ARAP2: variants seen among roughly 807,000 people sequenced by gnomAD.
The protein encoded by ARAP2 is ArfGAP with RhoGAP domain, ankyrin repeat and PH domain 2, also known as arf-GAP with Rho-GAP domain, ANK repeat and PH domain-containing protein 2.
Under a neutral mutation model 194.5 loss-of-function variants are expected in ARAP2, and 148 were observed. The ratio of observed to expected loss-of-function variants is 0.76; its 90% confidence interval spans 0.67 to 0.87. ARAP2 has a LOEUF of 0.87. Ranked by LOEUF, ARAP2 falls within the 40% of genes least tolerant of loss-of-function variation. The pLI is 0.00. For synonymous variants in ARAP2, 695 were observed against 683.5 expected, an observed-to-expected ratio of 1.02 and a Z score of -0.26; for missense variants, 2,128 against 1,989.7, an observed-to-expected ratio of 1.07 and a Z score of -1.32.
At chr4:36,043,806 A>AAGGGC in intron 5 of ARAP2, among the ~76,000 whole-genome samples, 1 of 55,682 alleles carries the variant, frequency 1.8e-5, no homozygotes, top group Non-Finnish European at 4.0e-5. Flanking sequence ...AAGGGAAGGG[A>AAGGGC]AGGGAAGGGA....
At chr4:36,108,358 C>A (rs1718975791) in intron 26 of ARAP2, among the ~76,000 whole-genome samples, 2 of 151,914 alleles carry the variant, frequency 1.3e-5, no homozygotes, top group South Asian at 4.1e-4. Flanking sequence ...CCAACAAGAT[C>A]AAACTCATAA....
Position 36,133,369 on chromosome 4 carries a change from T to A in ARAP2, c.3284A>T (p.His1095Leu), listed in dbSNP as rs1481468569. Residue 1095 changes from histidine (H) to leucine (L), a missense_variant, in exon 20 of 33, where the codon CAT (histidine) becomes CTT (leucine). Transcript: ENST00000303965. ...CCAGACTGTGAAATCCAACTTGGTA[T>A]GCCCATGGATGTATAATGTTCTGTA... ...EKGRTLYIHG[H>L]TKLDFTVWHT... The A allele has an allele frequency of 1.1e-5, 17 of 1,610,712 alleles. No homozygotes were observed. The highest frequency in any genetic ancestry group is 5.0e-5 in the Admixed American group (3 of 59,674).
chr4:36,124,777 T>C (rs1263261182), intron 22 of ARAP2, 85 bp downstream of exon 22: 1 of 831,584 alleles, frequency 1.2e-6, no homozygotes, highest in Non-Finnish European at 1.9e-6. Flanking sequence ...TTATGATACG[T>C]AGAAAGATTC....
At chr4:36,121,063 T>C in intron 23 of ARAP2, 116 bp downstream of exon 23, 1 of 721,256 alleles carries the variant, frequency 1.4e-6, no homozygotes, top group Admixed American at 4.0e-5. Flanking sequence ...TTCCTTATTT[T>C]ATGTATTTCT....
chr4:36,196,458 TGA>T (rs1743135013), intron 6 of ARAP2, among the ~76,000 whole-genome samples: 1 of 152,238 alleles, frequency 6.6e-6, no homozygotes, highest in Non-Finnish European at 1.5e-5. Flanking sequence ...TCTCAGCCTC[TGA>T]GAGAATCAGC....
chr4:36,122,574 T>G (rs1257042828), intron 22 of ARAP2, among the ~76,000 whole-genome samples: 3 of 151,564 alleles, frequency 2.0e-5, no homozygotes, highest in Non-Finnish European at 4.4e-5. Flanking sequence ...TGAGAATACA[T>G]AGCAAACAAC....
At chr4:36,091,363 C>T (rs188755998) in intron 28 of ARAP2, among the ~76,000 whole-genome samples, 11 of 152,108 alleles carry the variant, frequency 7.2e-5, no homozygotes, top group Admixed American at 7.2e-4. Flanking sequence ...TTATCCACTC[C>T]ACAATTATTT....
chr4:36,135,260 A>G (rs367657844), intron 19 of ARAP2, among the ~76,000 whole-genome samples: 1 of 151,776 alleles, frequency 6.6e-6, no homozygotes, highest in Non-Finnish European at 1.5e-5. Context: ...GTGGGTAATA[A>G]GGAATGTAAT....
chr4:36,117,057 T>G lies in ARAP2; in HGVS notation c.4038+4A>C, dbSNP rs771913494. 1 of 1,579,650 alleles carries G rather than the reference T, an allele frequency of 6.3e-7. No individual in the cohort carries two copies. Among genetic ancestry groups the G allele is most frequent in the Non-Finnish European group, 8.6e-7 (1 of 1,164,166 alleles). On this transcript the variant is annotated splice_donor_region_variant and intron_variant, in intron 25 of 32. Transcript: ENST00000303965. ...TCCTCTTTACATCCACCTTTAGAAC[T>G]TACCCGAATTATAATACTACAGTCG...
chr4:36,065,201 ATCTTCAGAGTGAGCCTGC>A, downstream of ARAP2: 1 of 359,764 alleles, frequency 2.8e-6, no homozygotes, highest in Admixed American at 3.0e-5. Context: ...CACAAACTTG[ATCTTCAGAGTGAGCCTGC>A]TCTTGCAGGT....
chr4:36,181,545 T>C (rs1262099906), intron 8 of ARAP2, among the ~76,000 whole-genome samples: 2 of 152,224 alleles, frequency 1.3e-5, no homozygotes, highest in African/African-American at 4.8e-5. Flanking sequence ...AACAACATTA[T>C]CTAATAAAGT....
intron 10 of ARAP2, 119 bp from the exon 11 acceptor site, chr4:36,165,232 C>T (rs1578139253): frequency 1.1e-6 from 1 of 901,022 alleles, no homozygotes; most frequent in South Asian, 1.7e-5. Flanking sequence ...AATATGGCTG[C>T]TAGGCAGTTC....
chr4:36,152,880 GA>G (rs1488057737), intron 15 of ARAP2, among the ~76,000 whole-genome samples: 1 of 152,184 alleles, frequency 6.6e-6, no homozygotes, highest in African/African-American at 2.4e-5. Context: ...TGGGAAATGG[GA>G]AACAAGATTG....
chr4:36,128,824 G>A (rs1173777903), intron 20 of ARAP2, 79 bp from the exon 21 acceptor site: 10 of 1,155,308 alleles, frequency 8.7e-6, no homozygotes, highest in Non-Finnish European at 1.1e-5. Context: ...CAAAACAAAT[G>A]TTTGTGTTGA....
intron 6 of ARAP2, among the ~76,000 whole-genome samples, chr4:36,204,639 C>T (rs1418034485): frequency 6.6e-6 from 1 of 152,096 alleles, no homozygotes; most frequent in Non-Finnish European, 1.5e-5. Context: ...ATTTTGGTTA[C>T]TTCAGAGATT....
intron 27 of ARAP2, among the ~76,000 whole-genome samples, chr4:36,093,811 A>G (rs1314232303): frequency 6.6e-6 from 1 of 152,096 alleles, no homozygotes; most frequent in Non-Finnish European, 1.5e-5. Context: ...CTGTTTCCGT[A>G]TTCATGTCTG....
intron 5 of ARAP2, among the ~76,000 whole-genome samples, chr4:36,020,434 A>T (rs1299418533): frequency 6.6e-6 from 1 of 152,068 alleles, no homozygotes; most frequent in Non-Finnish European, 1.5e-5. Flanking sequence ...AAAAAAGTAA[A>T]TCAAGCTGAT....
In ARAP2 at chr4:36,166,939, T is replaced by C. The variant is rs779612431; in HGVS notation, c.1966A>G (p.Ser656Gly). Residue 656 changes from serine (S) to glycine (G), a missense_variant, in exon 10 of 33, where the codon AGT (serine) becomes GGT (glycine). Physicochemically the swap from Ser to Gly is moderately conservative, Grantham distance 56. Transcript: ENST00000303965. ...QSFEIITPYR[S>G]FSFTAETEKE... is the part of the protein sequence containing the mutation. ...TGTTTAAAAATAGCTTACCTGAAAC[T>C]CCTGTAGGGAGTGATTATTTCAAAA... The C allele has an allele frequency of 3.1e-6, 5 of 1,587,656 alleles. No individual in the cohort carries two copies. Among genetic ancestry groups the C allele is most frequent in the Non-Finnish European group, 3.4e-6 (4 of 1,169,004 alleles).
chr4:36,124,668 T>C (rs756502352), intron 22 of ARAP2, among the ~76,000 whole-genome samples, 194 bp downstream of exon 22: 1 of 151,994 alleles, frequency 6.6e-6, no homozygotes, highest in East Asian at 1.9e-4. Flanking sequence ...TCAGATGCAT[T>C]TGAGGACACT....
Sources: gnomAD v4.1 joint callset for allele counts (sites outside exome capture counted in the v4.1 genomes callset) on GRCh38, gnomAD v4.1.1 for gene constraint, MANE v1.5 for transcripts, NCBI Gene and HGNC (gene_info 2026-07-23, HGNC 2026-07-21) for gene names.